Variants in THUMPD3 observed in about 807,000 individuals in gnomAD.
The protein encoded by THUMPD3 is tRNA (guanine(6)-N(2))-methyltransferase THUMP3.
Under a neutral mutation model 54.5 loss-of-function variants are expected in THUMPD3, and 44 were observed. That is an observed-to-expected ratio of 0.81 (90% CI 0.63 to 1.04). The LOEUF is 1.04. Ranked by LOEUF, THUMPD3 falls within the 50% of genes least tolerant of loss-of-function variation. THUMPD3 has a pLI of 0.00. For missense variants in THUMPD3, 604 were observed against 601.3 expected (o/e 1.00, Z -0.05); for synonymous variants, 196 against 201.4 (o/e 0.97, Z 0.23).
chr3:9,385,972 T>A lies in THUMPD3; in HGVS notation c.*1284T>A, dbSNP rs1375647416. ...TTTTTTGTGGAACTCATCATAGTATTGTTTATTTTGGAGCCTCTGGCTGCA... is the reference window on the plus strand; with the variant it reads ...TTTTTTGTGGAACTCATCATAGTATAGTTTATTTTGGAGCCTCTGGCTGCA... On this transcript the variant is annotated 3_prime_UTR_variant, in exon 10 of 10. Coordinates refer to ENST00000452837, the MANE Select transcript of THUMPD3 (RefSeq NM_001114092.2). 6.6e-6 allele frequency: 1 copy of A among 152,244 alleles called. No homozygotes were observed. Among genetic ancestry groups the A allele is most frequent in the Non-Finnish European group, 1.5e-5 (1 of 68,048 alleles). 9.4% of individuals were successfully genotyped at this position (152,244 alleles called of 1,614,324 possible). A position where few individuals can be genotyped will look rare whatever the true frequency, so the allele number is the denominator to read the frequency against.
In THUMPD3 at chr3:9,384,156, G is replaced by C. The variant is rs1649374908; in HGVS notation, c.1236-56G>C. The C allele has an allele frequency of 1.1e-4, 174 of 1,587,686 alleles. 4 individuals carry two copies. The South Asian group carries it at 1.9e-3, about 17-fold the overall frequency. On this transcript the variant is annotated intron_variant, in intron 8 of 9. Transcript: ENST00000452837. ...CATGAAACTGTTTTTGTTTCATATA[G>C]TCCTTCTATTTTGTATCTTTTGCAA...
intron 4 of THUMPD3, among the ~76,000 whole-genome samples, chr3:9,372,917 A>C (rs1466456402): frequency 2.0e-5 from 3 of 152,116 alleles, no homozygotes; most frequent in African/African-American, 7.2e-5. Flanking sequence ...TGCATGTCAA[A>C]TCAGGAGTCT....
chr3:9,377,953 C>A (rs1260627893), intron 6 of THUMPD3, 65 bp downstream of exon 6: 2 of 1,259,640 alleles, frequency 1.6e-6, no homozygotes, highest in Non-Finnish European at 2.3e-6. Flanking sequence ...ACCTAATGGG[C>A]AAATTAGACA....
intron 6 of THUMPD3, among the ~76,000 whole-genome samples, chr3:9,380,035 T>G (rs112582731): frequency 1.4e-4 from 22 of 152,272 alleles, no homozygotes; most frequent in African/African-American, 5.1e-4. Context: ...TCAGATTATG[T>G]AAACTCCCAC....
In THUMPD3 at chr3:9,371,221, C is replaced by A; in HGVS notation, c.492C>A (p.Val164=). The change falls in exon 4 of 10, where the codon GTC becomes GTA. Residue 164 remains valine (V), a synonymous_variant. Transcript: ENST00000452837. ...AGAAGATTAATAATGGACAAGAAGT[C>A]AAAATCGATCAGAGAAATGTTAAAA... ...SKEKINNGQE[V]KIDQRNVKKE... 3 of 1,611,152 alleles carry A rather than the reference C, an allele frequency of 1.9e-6. No homozygotes were observed. The highest frequency in any genetic ancestry group is 2.2e-5 in the South Asian group (2 of 89,962).
At chr3:9,363,741 C>T (rs1158854329) in intron 1 of THUMPD3, 8 of 151,398 alleles carry the variant, frequency 5.3e-5, no homozygotes, top group African/African-American at 1.7e-4. Flanking sequence ...AAGTAGTAGG[C>T]GTTTGAACAT....
Position 9,385,484 on chromosome 3 carries a change from G to A in THUMPD3, c.*796G>A, listed in dbSNP as rs1018906261. On this transcript the variant is annotated 3_prime_UTR_variant, in exon 10 of 10. Coordinates refer to ENST00000452837, the MANE Select transcript of THUMPD3 (RefSeq NM_001114092.2). ...GTGAATGGTGTTCAGCCTATAAGAC[G>A]AAGTCTCACAAGACCTATAGGAAAG... 4 of 152,164 alleles carry A rather than the reference G, an allele frequency of 2.6e-5. No homozygotes were observed. Among genetic ancestry groups the A allele is most frequent in the East Asian group, 1.9e-4 (1 of 5,192 alleles). 9.4% of individuals were successfully genotyped at this position (152,164 alleles called of 1,614,324 possible). A position where few individuals can be genotyped will look rare whatever the true frequency, so the allele number is the denominator to read the frequency against.
rs1005540866 is a variant in THUMPD3 at position 9,377,833 on chromosome 3, T to C, written c.953T>C (p.Leu318Pro). The C allele has an allele frequency of 6.8e-6, 11 of 1,613,616 alleles. No homozygotes were observed. The highest frequency in any genetic ancestry group is 9.3e-6 in the Non-Finnish European group (11 of 1,179,692). The change falls in exon 6 of 10, where the codon CTA becomes CCA. Residue 318 changes from leucine (L) to proline (P), a missense_variant. By Grantham distance (98) the Leu-to-Pro change is moderately conservative. Coordinates refer to ENST00000452837, the MANE Select transcript of THUMPD3 (RefSeq NM_001114092.2). The part of the protein sequence containing the change: ...AYGMLRLCDP[L>P]PYDIIVDPMC... Reference sequence around the variant, plus strand: ...CTTTTCTCTAGGCTCTGTGATCCTCTACCTTATGATATAATAGTCGATCCA... The same window carrying C: ...CTTTTCTCTAGGCTCTGTGATCCTCCACCTTATGATATAATAGTCGATCCA...
chr3:9,383,156 A>G (rs377138277), intron 7 of THUMPD3, 43 bp from the exon 8 acceptor site: 2 of 1,365,496 alleles, frequency 1.5e-6, no homozygotes, highest in Non-Finnish European at 2.1e-6. Flanking sequence ...TAATAACTTT[A>G]TGCTTCACAG....
rs1013402501 is a variant in THUMPD3, at chr3:9,386,599, G to C, written c.*1911G>C. 6 of 152,082 alleles carry C rather than the reference G, an allele frequency of 3.9e-5. No individual in the cohort carries two copies. The highest frequency in any genetic ancestry group is 8.8e-5 in the Non-Finnish European group (6 of 68,036). The allele number at this position is 152,082 out of a possible 1,614,324, so 9.4% of individuals were successfully genotyped here. A position where few individuals can be genotyped will look rare whatever the true frequency, so the allele number is the denominator to read the frequency against. ...CAATAGTTTGCCGTCTTCTTCCCTA[G>C]TATGGTGTTTTTCAATCTGGTGACT... On this transcript the variant is annotated 3_prime_UTR_variant, in exon 10 of 10. Coordinates refer to ENST00000452837, the MANE Select transcript of THUMPD3 (RefSeq NM_001114092.2).
chr3:9,369,309 CAAAAAAAAAAAA>C (rs779602979), intron 3 of THUMPD3, among the ~76,000 whole-genome samples: 1 of 60,846 alleles, frequency 1.6e-5, no homozygotes, highest in Non-Finnish European at 2.8e-5. Flanking sequence ...GACTCCGTCT[CAAAAAAAAAAAA>C]AAAAAAAAAA....
chr3:9,383,144 T>C (rs1281061258), intron 7 of THUMPD3, 55 bp from the exon 8 acceptor site: 2 of 1,252,938 alleles, frequency 1.6e-6, no homozygotes, highest in African/African-American at 3.0e-5. Context: ...CAAAAATTGT[T>C]GTAATAACTT....
At position 9,384,209 on chromosome 3, in the gene THUMPD3, T is replaced by C. The variant is rs774231464; in HGVS notation, c.1236-3T>C. 6.8e-6 allele frequency: 11 copies of C among 1,613,660 alleles called. No individual in the cohort carries two copies. In the East Asian group the frequency reaches 8.9e-5, roughly 13 times the overall value. Reference sequence around the variant, plus strand: ...GTTTGACTCATGAGACCTTCTATTATAGGATGGGATCCAAGAAGAGAAACT... The same window carrying C: ...GTTTGACTCATGAGACCTTCTATTACAGGATGGGATCCAAGAAGAGAAACT... On this transcript the variant is annotated splice_polypyrimidine_tract_variant and splice_region_variant and intron_variant, in intron 8 of 9. Coordinates refer to ENST00000452837, the MANE Select transcript of THUMPD3 (RefSeq NM_001114092.2).
chr3:9,380,593 T>C lies in THUMPD3; in HGVS notation c.1099T>C (p.Leu367=), dbSNP rs766368838. Residue 367 remains leucine, a synonymous_variant, in exon 7 of 10, where the codon TTG becomes CTG. Transcript: ENST00000452837. ...NRAANNIASL[L]TKSQIKEGKP... ...AGCAGCAAATAACATTGCATCTTTATTGACCAAGAGCCAAATTAAAGAAGG... is the reference window on the plus strand; with the variant it reads ...AGCAGCAAATAACATTGCATCTTTACTGACCAAGAGCCAAATTAAAGAAGG... 25 of 1,613,022 alleles carry C rather than the reference T, an allele frequency of 1.5e-5. No individual in the cohort carries two copies. The highest frequency in any genetic ancestry group is 1.7e-5 in the Non-Finnish European group (20 of 1,179,456).
At chr3:9,373,283 A>G (rs1171048418) in intron 4 of THUMPD3, among the ~76,000 whole-genome samples, 5 of 152,102 alleles carry the variant, frequency 3.3e-5, no homozygotes, top group Non-Finnish European at 7.4e-5. Flanking sequence ...GTTTCAGGCC[A>G]GGAGTTCTAG....
chr3:9,384,666 C>T lies in THUMPD3; in HGVS notation c.1502C>T (p.Thr501Ile). 6.2e-7 allele frequency: 1 copy of T among 1,614,162 alleles called. No individual in the cohort carries two copies. The highest frequency in any genetic ancestry group is 1.7e-5 in the Admixed American group (1 of 60,012). Residue 501 changes from threonine (T) to isoleucine (I), a missense_variant, in exon 10 of 10, where the codon ACT becomes ATT. Physicochemically the swap from Thr to Ile is moderately conservative, Grantham distance 89 (BLOSUM62 -1). Transcript: ENST00000452837. ...TCAGAACAAGACGGAGAAAGAGGAACTCTTTGGCAATGCAAAGAATGAAGA... is the reference window on the plus strand; with the variant it reads ...TCAGAACAAGACGGAGAAAGAGGAATTCTTTGGCAATGCAAAGAATGAAGA... Reference protein sequence around the residue: ...HPSEQDGERGTLWQCKE With the variant: ...HPSEQDGERGILWQCKE
intron 3 of THUMPD3, among the ~76,000 whole-genome samples, chr3:9,367,372 T>G (rs960491445): frequency 6.6e-6 from 1 of 152,240 alleles, no homozygotes; most frequent in African/African-American, 2.4e-5. Context: ...TTGCTCTGCT[T>G]TCTTCTCTTT....
At chr3:9,374,407 C>T (rs1288207280) in intron 4 of THUMPD3, 109 bp from the exon 5 acceptor site, 2 of 1,364,350 alleles carry the variant, frequency 1.5e-6, no homozygotes, top group African/African-American at 2.9e-5. Context: ...AGTAGGGGAC[C>T]AACAGGTTGC....
At chr3:9,365,341 A>T in intron 2 of THUMPD3, 21 bp downstream of exon 2, 4 of 1,610,330 alleles carry the variant, frequency 2.5e-6, no homozygotes, top group Non-Finnish European at 3.4e-6. Context: ...AGCAATATTT[A>T]AAATAGTTTT....
Sources: allele counts gnomAD v4.1 joint callset (sites outside exome capture counted in the v4.1 genomes callset), GRCh38; gene constraint gnomAD v4.1.1; transcripts MANE v1.5; gene names NCBI Gene and HGNC (gene_info 2026-07-23, HGNC 2026-07-21).